Variants in PALD1 observed in about 807,000 individuals in gnomAD.
The protein encoded by PALD1 is phosphatase domain containing paladin 1.
In PALD1, 57 loss-of-function variants were observed where a neutral mutation model predicts 96.0. That is an observed-to-expected ratio of 0.59 (90% CI 0.48 to 0.74). The LOEUF is 0.74. Among genes scored for constraint, PALD1 ranks in the 30% least tolerant of loss-of-function variants. The pLI, the probability that PALD1 is intolerant of heterozygous loss-of-function variation, is 0.00. For synonymous variants in PALD1, 464 were observed against 473.6 expected, an observed-to-expected ratio of 0.98 and a Z score of 0.26; for missense variants, 1,063 against 1,143.7, an observed-to-expected ratio of 0.93 and a Z score of 1.02.
At chr10:70,466,677 G>A in the PALD1 span, among the ~76,000 whole-genome samples, 2 of 152,144 alleles carry the variant, frequency 1.3e-5, no homozygotes, top group African/African-American at 2.4e-5. Flanking sequence ...AACAATCACC[G>A]AGGCTTTTAA....
chr10:70,551,607 A>T (rs1201067746), intron 18 of PALD1, among the ~76,000 whole-genome samples: 1 of 151,856 alleles, frequency 6.6e-6, no homozygotes, highest in Admixed American at 6.5e-5. Context: ...AGAGCCCCCA[A>T]ATGGTGAATT....
chr10:70,528,061 G>C (rs1476236339), intron 2 of PALD1, among the ~76,000 whole-genome samples: 2 of 152,244 alleles, frequency 1.3e-5, no homozygotes, highest in East Asian at 1.9e-4. Flanking sequence ...ATGGTTTGCT[G>C]AGAATGATGG....
At chr10:70,501,736 T>A (rs187167326) in intron 1 of PALD1, among the ~76,000 whole-genome samples, 92 of 151,880 alleles carry the variant, frequency 6.1e-4, no homozygotes, top group Admixed American at 6.0e-3. Flanking sequence ...AGAAAAATCA[T>A]CTGAGATCCC....
At chr10:70,528,559 C>A (rs1846919261) in intron 2 of PALD1, among the ~76,000 whole-genome samples, 1 of 152,214 alleles carries the variant, frequency 6.6e-6, no homozygotes, top group Non-Finnish European at 1.5e-5. Flanking sequence ...TCTAAACCAC[C>A]TCACTGTGTG....
intron 17 of PALD1, among the ~76,000 whole-genome samples, chr10:70,543,399 G>GT (rs1242722038): frequency 1.1e-4 from 17 of 152,220 alleles, no homozygotes. Flanking sequence ...TAGTTTGTCT[G>GT]TTTTTTCTTT....
chr10:70,515,270 G>C (rs913948905), intron 1 of PALD1, among the ~76,000 whole-genome samples: 5 of 152,250 alleles, frequency 3.3e-5, no homozygotes, highest in African/African-American at 1.2e-4. Flanking sequence ...TCTTCCAGGG[G>C]TGGAGGACTT....
At chr10:70,467,200 C>T in the PALD1 span, among the ~76,000 whole-genome samples, 1 of 151,992 alleles carries the variant, frequency 6.6e-6, no homozygotes, top group Non-Finnish European at 1.5e-5. Flanking sequence ...TCTTCTTGAC[C>T]CCCTTGGGAA....
chr10:70,462,868 C>T, the PALD1 span, among the ~76,000 whole-genome samples: 1 of 152,252 alleles, frequency 6.6e-6, no homozygotes, highest in Non-Finnish European at 1.5e-5. Context: ...TACTTGGCTG[C>T]ATCCGTGGCC....
In PALD1 at chr10:70,531,413, G is replaced by A. The variant is rs779237871; in HGVS notation, c.592G>A (p.Gly198Arg). The change falls in exon 5 of 20, where the codon GGG (glycine) becomes AGG (arginine). Residue 198 changes from glycine (G) to arginine (R), a missense_variant. By Grantham distance (125) the Gly-to-Arg change is moderately radical. Coordinates refer to ENST00000263563, the MANE Select transcript of PALD1 (RefSeq NM_014431.3). ...LHENLQGLGPGVRVESLELAI... is the reference protein window; with the variant it reads ...LHENLQGLGPRVRVESLELAI... ...TGAGAACCTCCAGGGCCTTGGACCC[G>A]GGGTCCGGGTGGAGAGCCTGGAGCT... The A allele has an allele frequency of 2.3e-5, 37 of 1,613,828 alleles. No homozygotes were observed. Among genetic ancestry groups the A allele is most frequent in the South Asian group, 5.5e-5 (5 of 91,076 alleles).
At chr10:70,545,854 C>T (rs1341607207) in intron 17 of PALD1, among the ~76,000 whole-genome samples, 1 of 152,108 alleles carries the variant, frequency 6.6e-6, no homozygotes, top group East Asian at 1.9e-4. Context: ...CTCCTCACCC[C>T]TCCAGCCCTA....
chr10:70,524,349 G>T (rs1200944445), intron 1 of PALD1, among the ~76,000 whole-genome samples: 1 of 152,098 alleles, frequency 6.6e-6, no homozygotes, highest in Non-Finnish European at 1.5e-5. Flanking sequence ...GTCGCCCTCT[G>T]TCCATGTGGA....
chr10:70,537,739 C>G (rs569881301), intron 10 of PALD1, 72 bp from the exon 11 acceptor site: 14 of 998,336 alleles, frequency 1.4e-5, no homozygotes, highest in African/African-American at 6.3e-5. Context: ...TTAACTCCTG[C>G]CCTTGCAGGG....
chr10:70,481,860 A>G (rs1845937612), intron 1 of PALD1, among the ~76,000 whole-genome samples: 1 of 152,240 alleles, frequency 6.6e-6, no homozygotes, highest in Non-Finnish European at 1.5e-5. Context: ...GAGACAGCCC[A>G]GATTCTAGAT....
chr10:70,553,934 C>G (rs71475595), intron 18 of PALD1, among the ~76,000 whole-genome samples: 2,155 of 152,312 alleles, frequency 0.014, 23 homozygotes, highest in Middle Eastern at 0.031. Context: ...TGGAGCCAAG[C>G]CTGGGGACAT....
chr10:70,566,391 A>G (rs1213852067), intron 19 of PALD1, among the ~76,000 whole-genome samples, 190 bp from the exon 20 acceptor site: 1 of 152,100 alleles, frequency 6.6e-6, no homozygotes, highest in African/African-American at 2.4e-5. Flanking sequence ...CCTCCTTGAG[A>G]CAGTCCTGTG....
At chr10:70,521,205 G>A (rs1289927499) in intron 1 of PALD1, among the ~76,000 whole-genome samples, 1 of 152,152 alleles carries the variant, frequency 6.6e-6, no homozygotes, top group Non-Finnish European at 1.5e-5. Context: ...GAGTGGAGTG[G>A]ATGGGGTTGG....
At chr10:70,474,904 C>T (rs1030942392), upstream of PALD1, among the ~76,000 whole-genome samples, 25 of 152,128 alleles carry the variant, frequency 1.6e-4, no homozygotes, top group Admixed American at 6.5e-4. Context: ...ATCCCATGGG[C>T]AGATAGGGGA....
chr10:70,501,838 T>TGTGTGTGTGTGTGCGCGCAC (rs57837334), intron 1 of PALD1, among the ~76,000 whole-genome samples: 1 of 150,330 alleles, frequency 6.7e-6, no homozygotes, highest in Non-Finnish European at 1.5e-5. Context: ...TGTGTGTGCG[T>TGTGTGTGTGTGTGCGCGCAC]GCGTGCATGC....
the PALD1 span, among the ~76,000 whole-genome samples, chr10:70,463,923 G>A: frequency 6.6e-6 from 1 of 152,308 alleles, no homozygotes; most frequent in East Asian, 1.9e-4. Flanking sequence ...GGAAAGAAGT[G>A]AGGTTGAACT....
Sources: allele counts gnomAD v4.1 joint callset (sites outside exome capture counted in the v4.1 genomes callset), GRCh38; gene constraint gnomAD v4.1.1; transcripts MANE v1.5; gene names NCBI Gene and HGNC (gene_info 2026-07-23, HGNC 2026-07-21).